TAF4B: variants seen among roughly 807,000 people sequenced by gnomAD.
TAF4B encodes the protein TATA-box binding protein associated factor 4b, also known as transcription initiation factor TFIID subunit 4B.
In TAF4B, 38 loss-of-function variants were observed where a neutral mutation model predicts 86.4. That is an observed-to-expected ratio of 0.44 (90% CI 0.34 to 0.58). The LOEUF is 0.58. TAF4B is among the 20% of genes least tolerant of loss of function. TAF4B has a pLI of 0.02. For missense variants in TAF4B, 988 were observed against 1,027.6 expected, an observed-to-expected ratio of 0.96 and a Z score of 0.53; for synonymous variants, 388 against 391.2, an observed-to-expected ratio of 0.99 and a Z score of 0.10.
chr18:26,277,228 C>T (rs964157012), intron 5 of TAF4B, among the ~76,000 whole-genome samples: 1 of 152,226 alleles, frequency 6.6e-6, no homozygotes, highest in South Asian at 2.1e-4. Context: ...GGACCACTGA[C>T]ATGTGCCACC....
At position 26,361,424 on chromosome 18, in the gene TAF4B, C is replaced by T. The variant is rs544905450; in HGVS notation, c.2421+3630C>T. ...ATAGGCATGAGCCACACTCTTGGCCCCAAATCTTAATATAATATGTTTGAA... is the reference window on the plus strand; with the variant it reads ...ATAGGCATGAGCCACACTCTTGGCCTCAAATCTTAATATAATATGTTTGAA... On this transcript the variant is annotated intron_variant, in intron 14 of 14. Transcript: ENST00000269142. 4.0e-4 allele frequency among the ~76,000 whole-genome samples: 61 copies of T among 151,476 alleles called. 1 individual carries two copies. The highest frequency in any genetic ancestry group is 3.4e-3 in the Middle Eastern group (1 of 294).
intron 14 of TAF4B, 22 bp from the exon 15 acceptor site, chr18:26,389,823 C>T (rs771346119): frequency 1.9e-6 from 3 of 1,599,264 alleles, no homozygotes; most frequent in South Asian, 2.3e-5. Context: ...TTTCAAATTG[C>T]TTTTCCTTTT....
chr18:26,378,660 A>T (rs1245859718), intron 14 of TAF4B, among the ~76,000 whole-genome samples: 1 of 152,184 alleles, frequency 6.6e-6, no homozygotes, highest in Non-Finnish European at 1.5e-5. Flanking sequence ...CCCAGATAAG[A>T]TATAAAACAT....
chr18:26,266,587 C>G (rs544632155), intron 2 of TAF4B, among the ~76,000 whole-genome samples: 1 of 151,918 alleles, frequency 6.6e-6, no homozygotes, highest in Admixed American at 6.6e-5. Flanking sequence ...TGGGGCTGTG[C>G]GCGGTGACTC....
At chr18:26,337,578 G>A (rs752608833) in intron 13 of TAF4B, among the ~76,000 whole-genome samples, 1 of 151,548 alleles carries the variant, frequency 6.6e-6, no homozygotes, top group African/African-American at 2.4e-5. Flanking sequence ...GCGTACCACC[G>A]CATCCAGCTA....
rs115110879 is a variant in TAF4B at position 26,389,709 on chromosome 18, G to A, written c.2422-136G>A. 7.7e-4 allele frequency: 669 copies of A among 865,290 alleles called. 5 individuals are homozygous for A. In the African/African-American group the frequency reaches 0.01, roughly 13 times the overall value. The allele number at this position is 865,290 out of a possible 1,614,324, so 53.6% of individuals were successfully genotyped here. A position where few individuals can be genotyped will look rare whatever the true frequency, so the allele number is the denominator to read the frequency against. On this transcript the variant is annotated intron_variant, in intron 14 of 14. Coordinates refer to ENST00000269142, the MANE Select transcript of TAF4B (RefSeq NM_005640.3). ...GATTGGCTGCTGGAGGACAGGGTTA[G>A]GTCTTCATCATTACATTATCTCCAG...
Position 26,390,195 on chromosome 18 carries a change from T to C in TAF4B, c.*183T>C. 1 of 525,686 alleles carries C rather than the reference T, an allele frequency of 1.9e-6. No individual in the cohort carries two copies. Among genetic ancestry groups the C allele is most frequent in the South Asian group, 3.9e-5 (1 of 25,448 alleles). 32.6% of individuals were successfully genotyped at this position (525,686 alleles called of 1,614,324 possible). On this transcript the variant is annotated 3_prime_UTR_variant, in exon 15 of 15. Transcript: ENST00000269142. ...TCATGGGACTCTTACAGACTCAGAT[T>C]CATCTTTGTCTTCTGAAAATCAGTT...
At position 26,267,632 on chromosome 18, in the gene TAF4B, T is replaced by G; in HGVS notation, c.597+9T>G. 1.9e-6 allele frequency: 3 copies of G among 1,588,124 alleles called. No individual in the cohort carries two copies. Among genetic ancestry groups the G allele is most frequent in the Non-Finnish European group, 2.6e-6 (3 of 1,156,600 alleles). ...AGCCTTCCTCAGTACAAGTAAGTTG[T>G]GCTGGCCATTCGTGCACTTGTTGTT... On this transcript the variant is annotated intron_variant, in intron 3 of 14. Coordinates refer to ENST00000269142, the MANE Select transcript of TAF4B (RefSeq NM_005640.3).
rs1307867145 is a variant in TAF4B at position 26,341,222 on chromosome 18, A to G, written c.2316+5991A>G. Among the ~76,000 whole-genome samples the G allele has an allele frequency of 5.9e-5, 9 of 152,264 alleles. No individual in the cohort carries two copies. In the East Asian group the frequency reaches 1.7e-3, roughly 29 times the overall value. On this transcript the variant is annotated intron_variant, in intron 13 of 14. Coordinates refer to ENST00000269142, the MANE Select transcript of TAF4B (RefSeq NM_005640.3). Reference sequence around the variant, plus strand: ...GTTTCCTCATATTTAAATGAACTTAACGATTCCTGCTCTGCTTATAAGATT... The same window carrying G: ...GTTTCCTCATATTTAAATGAACTTAGCGATTCCTGCTCTGCTTATAAGATT...
At chr18:26,335,587 A>G (rs181202513) in intron 13 of TAF4B, among the ~76,000 whole-genome samples, 91 of 152,314 alleles carry the variant, frequency 6.0e-4, no homozygotes, top group Admixed American at 6.5e-4. Flanking sequence ...TTCGTTTTGT[A>G]AATCTGATAC....
At chr18:26,268,156 A>G (rs2056265988) in intron 3 of TAF4B, among the ~76,000 whole-genome samples, 1 of 152,146 alleles carries the variant, frequency 6.6e-6, no homozygotes. Context: ...CAGCTGAGGG[A>G]AGCCTGATGG....
At chr18:26,300,356 A>G (rs922146269) in intron 9 of TAF4B, among the ~76,000 whole-genome samples, 5 of 147,982 alleles carry the variant, frequency 3.4e-5, no homozygotes, top group African/African-American at 7.4e-5. Flanking sequence ...ATTTAAAATT[A>G]TACATTTCCT....
At chr18:26,315,157 T>TCACACACACACACACA (rs1372151453) in intron 9 of TAF4B, 72 bp from the exon 10 acceptor site, 69 of 446,368 alleles carry the variant, frequency 1.5e-4, no homozygotes, top group African/African-American at 1.2e-3. Context: ...TCTCTCTCTC[T>TCACACACACACACACA]CTCTCACACA....
At chr18:26,276,006 A>T (rs2144568741) in intron 5 of TAF4B, among the ~76,000 whole-genome samples, 1 of 140,808 alleles carries the variant, frequency 7.1e-6, no homozygotes, top group Admixed American at 7.7e-5. Flanking sequence ...ACAGAGCAAG[A>T]CTCTGTCTCA....
At chr18:26,381,330 A>G (rs750820476) in intron 14 of TAF4B, among the ~76,000 whole-genome samples, 5 of 151,594 alleles carry the variant, frequency 3.3e-5, no homozygotes, top group Admixed American at 1.3e-4. Context: ...ATTTTTTTTA[A>G]TGGTTGCTGT....
chr18:26,366,893 A>G (rs1213930532), intron 14 of TAF4B, among the ~76,000 whole-genome samples: 1 of 152,210 alleles, frequency 6.6e-6, no homozygotes, highest in African/African-American at 2.4e-5. Flanking sequence ...AGCAATTAGA[A>G]TGTATTATCT....
intron 1 of TAF4B, among the ~76,000 whole-genome samples, chr18:26,251,987 G>A (rs956575082): frequency 6.6e-6 from 1 of 152,070 alleles, no homozygotes; most frequent in African/African-American, 2.4e-5. Flanking sequence ...GGACCTCTTG[G>A]CATTAATAGC....
intron 5 of TAF4B, among the ~76,000 whole-genome samples, chr18:26,275,772 T>A (rs1279748665): frequency 6.6e-6 from 1 of 152,006 alleles, no homozygotes; most frequent in Non-Finnish European, 1.5e-5. Context: ...TCCCAGCACT[T>A]TGGGAGGCCG....
In TAF4B at chr18:26,390,125, G is replaced by A; in HGVS notation, c.*113G>A. On this transcript the variant is annotated 3_prime_UTR_variant, in exon 15 of 15. Coordinates refer to ENST00000269142, the MANE Select transcript of TAF4B (RefSeq NM_005640.3). ...GGAAAATAATCACCAACATGAAAGAGCATTGTTTACAGTTAGAAACTTTAT... is the reference window on the plus strand; with the variant it reads ...GGAAAATAATCACCAACATGAAAGAACATTGTTTACAGTTAGAAACTTTAT... 4 of 1,147,316 alleles carry A rather than the reference G, an allele frequency of 3.5e-6. No individual in the cohort carries two copies. The highest frequency in any genetic ancestry group is 4.9e-6 in the Non-Finnish European group (4 of 816,702). The allele number at this position is 1,147,316 out of a possible 1,614,324, so 71.1% of individuals were successfully genotyped here.
Sources: gnomAD v4.1 joint callset for allele counts (sites outside exome capture counted in the v4.1 genomes callset) on GRCh38, gnomAD v4.1.1 for gene constraint, MANE v1.5 for transcripts, NCBI Gene and HGNC (gene_info 2026-07-23, HGNC 2026-07-21) for gene names.